CNTN3: variants seen among roughly 807,000 people sequenced by gnomAD.
The protein encoded by CNTN3 is contactin 3, also known as contactin-3.
CNTN3 carries 60 observed loss-of-function variants against 119.1 expected under a neutral mutation model. The ratio of observed to expected loss-of-function variants is 0.50; its 90% CI spans 0.41 to 0.62. The LOEUF is 0.62. Among genes scored for constraint, CNTN3 ranks in the 20% least tolerant of loss-of-function variants. The pLI, the probability that CNTN3 is intolerant of heterozygous loss-of-function variation, is 0.00. For missense variants in CNTN3, 1,101 were observed against 1,242.4 expected, an observed-to-expected ratio of 0.89 and a Z score of 1.71; for synonymous variants, 450 against 438.7, an observed-to-expected ratio of 1.03 and a Z score of -0.32.
In CNTN3 at chr3:74,521,382, T is replaced by C. The variant is rs1247701877; in HGVS notation, c.-80-190A>G. On this transcript the variant is annotated intron_variant, in intron 1 of 22. Transcript: ENST00000263665. ...AGATACTTAAAAAACATGTAACTCATAGGTAGATGGAAACGATCTTATAGA... is the reference window on the plus strand; with the variant it reads ...AGATACTTAAAAAACATGTAACTCACAGGTAGATGGAAACGATCTTATAGA... 2.6e-5 allele frequency among the ~76,000 whole-genome samples: 4 copies of C among 151,418 alleles called. No individual in the cohort carries two copies. The East Asian group carries it at 5.9e-4, about 22-fold the overall frequency.
chr3:74,541,374 T>A (rs1703840619), intron 1 of CNTN3, among the ~76,000 whole-genome samples: 1 of 141,084 alleles, frequency 7.1e-6, no homozygotes, highest in African/African-American at 2.7e-5. Flanking sequence ...AAATGAACTG[T>A]GGTAGATTCA....
At chr3:74,475,423 C>T (rs574464868) in intron 4 of CNTN3, among the ~76,000 whole-genome samples, 1 of 152,226 alleles carries the variant, frequency 6.6e-6, no homozygotes, top group Admixed American at 6.5e-5. Context: ...GTTTGGTAAC[C>T]TGGTAGCTTA....
At chr3:74,540,394 T>G (rs1436805924) in intron 1 of CNTN3, among the ~76,000 whole-genome samples, 1 of 152,144 alleles carries the variant, frequency 6.6e-6, no homozygotes, top group Admixed American at 6.5e-5. Flanking sequence ...AAACAATGAA[T>G]TGGTCTGATT....
rs776665137 is a variant in CNTN3 at position 74,302,815 on chromosome 3, G to A, written c.1669-8C>T. 2.3e-5 allele frequency: 36 copies of A among 1,554,394 alleles called. No homozygotes were observed. In the South Asian group the frequency reaches 4.0e-4, roughly 17 times the overall value. On this transcript the variant is annotated splice_polypyrimidine_tract_variant and splice_region_variant and intron_variant, in intron 13 of 22. Coordinates refer to ENST00000263665, the MANE Select transcript of CNTN3 (RefSeq NM_020872.3). ...TAAATCACCAGATGAACTCTGTTGGGAAAACAGGTAATGAATACACTGTTA... is the reference window on the plus strand; with the variant it reads ...TAAATCACCAGATGAACTCTGTTGGAAAAACAGGTAATGAATACACTGTTA...
intron 1 of CNTN3, among the ~76,000 whole-genome samples, chr3:74,602,084 A>G (rs1211632067): frequency 1.3e-5 from 2 of 151,872 alleles, no homozygotes; most frequent in African/African-American, 4.8e-5. Context: ...TTGAGACAGG[A>G]GGATCATTTC....
chr3:74,293,071 G>A (rs1702266678), intron 19 of CNTN3, among the ~76,000 whole-genome samples: 1 of 152,148 alleles, frequency 6.6e-6, no homozygotes, highest in South Asian at 2.1e-4. Flanking sequence ...AGGCTTCTCT[G>A]TCAAGACCAG....
At chr3:74,589,337 C>A (rs1191384247) in intron 1 of CNTN3, among the ~76,000 whole-genome samples, 1 of 149,722 alleles carries the variant, frequency 6.7e-6, no homozygotes, top group African/African-American at 2.4e-5. Flanking sequence ...ATTTATGCAG[C>A]CAAAAGACAC....
At chr3:74,310,270 T>C (rs1451760420) in intron 13 of CNTN3, among the ~76,000 whole-genome samples, 1 of 152,236 alleles carries the variant, frequency 6.6e-6, no homozygotes, top group Non-Finnish European at 1.5e-5. Context: ...GATCATGTTA[T>C]GCCAAATGCC....
intron 13 of CNTN3, among the ~76,000 whole-genome samples, chr3:74,310,387 G>A (rs921856339): frequency 3.3e-5 from 5 of 152,014 alleles, no homozygotes; most frequent in African/African-American, 1.2e-4. Context: ...GTTCAGTAAT[G>A]TGTAAGTTGA....
rs1041927709 is a variant in CNTN3, at chr3:74,509,730, A to G, written c.56-9945T>C. ...CACCGTTTTGGAAGAAGCATTTGGC[A>G]GTATGTATGAGAAGCCACCAAATTG... On this transcript the variant is annotated intron_variant, in intron 2 of 22. Coordinates refer to ENST00000263665, the MANE Select transcript of CNTN3 (RefSeq NM_020872.3). Among the ~76,000 whole-genome samples the G allele has an allele frequency of 2.6e-4, 39 of 152,174 alleles. 1 individual carries two copies. Among genetic ancestry groups the G allele is most frequent in the Admixed American group, 2.4e-3 (37 of 15,262 alleles).
At chr3:74,440,022 A>T (rs940526817) in intron 4 of CNTN3, among the ~76,000 whole-genome samples, 1 of 152,224 alleles carries the variant, frequency 6.6e-6, no homozygotes, top group African/African-American at 2.4e-5. Flanking sequence ...GCAATGATAA[A>T]TGAGACAAAG....
chr3:74,309,274 T>C (rs569242871), intron 13 of CNTN3, among the ~76,000 whole-genome samples: 3 of 152,098 alleles, frequency 2.0e-5, no homozygotes, highest in Non-Finnish European at 4.4e-5. Context: ...CCAGCTAATT[T>C]TTGTATTTTT....
At chr3:74,369,703 C>A (rs1365560589) in intron 7 of CNTN3, among the ~76,000 whole-genome samples, 186 bp downstream of exon 7, 2 of 150,908 alleles carry the variant, frequency 1.3e-5, no homozygotes, top group African/African-American at 4.9e-5. Context: ...TTCTTCAAAT[C>A]GACTTTGAAT....
intron 5 of CNTN3, among the ~76,000 whole-genome samples, chr3:74,391,008 T>A (rs1473116113): frequency 1.3e-5 from 2 of 152,206 alleles, no homozygotes; most frequent in Non-Finnish European, 2.9e-5. Context: ...ACCAGAGATG[T>A]GTCTTACCGG....
intron 1 of CNTN3, among the ~76,000 whole-genome samples, chr3:74,592,524 A>C (rs138453808): frequency 6.6e-6 from 1 of 151,936 alleles, no homozygotes; most frequent in African/African-American, 2.4e-5. Context: ...ATTCTTACTT[A>C]AGAAGTCAAA....
At chr3:74,330,959 C>G (rs1004082194) in intron 13 of CNTN3, among the ~76,000 whole-genome samples, 2 of 151,966 alleles carry the variant, frequency 1.3e-5, no homozygotes, top group Non-Finnish European at 2.9e-5. Context: ...AATGACAAAA[C>G]AGTCAAAAAG....
rs766155147 is a variant in CNTN3, at chr3:74,369,230, G to T, written c.905C>A (p.Ser302Ter). ...AGSYECIAEN[S>*]RGKNVARGRL... ...CCCTCTGGCAACATTTTTTCCTCGT[G>T]AATTCTCAGCAATGCATTCATAGGA... is the stretch of plus-strand genomic sequence containing the variant. Residue 302 changes from serine to a stop codon, truncating the protein, a stop_gained, in exon 8 of 23, where the codon TCA becomes TAA. Transcript: ENST00000263665. LOFTEE classifies it high-confidence loss of function. 1 of 1,608,562 alleles carries T rather than the reference G, an allele frequency of 6.2e-7. No individual in the cohort carries two copies. The highest frequency in any genetic ancestry group is 8.5e-7 in the Non-Finnish European group (1 of 1,177,486).
At chr3:74,285,189 TTA>T in intron 20 of CNTN3, 114 bp downstream of exon 20, 1 of 1,143,424 alleles carries the variant, frequency 8.7e-7, no homozygotes, top group Non-Finnish European at 1.2e-6. Context: ...GGAGTTAGGT[TTA>T]TATAATCTAG....
intron 11 of CNTN3, among the ~76,000 whole-genome samples, chr3:74,344,559 G>T (rs1034741538): frequency 3.5e-5 from 2 of 57,418 alleles, no homozygotes; most frequent in Non-Finnish European, 7.1e-5. Flanking sequence ...CCGGGTTCAC[G>T]CCATTCTCCT....
Sources: allele counts gnomAD v4.1 joint callset (sites outside exome capture counted in the v4.1 genomes callset), GRCh38; gene constraint gnomAD v4.1.1; transcripts MANE v1.5; gene names NCBI Gene and HGNC (gene_info 2026-07-23, HGNC 2026-07-21).